HLCS: variants seen among roughly 807,000 people sequenced by gnomAD.
HLCS encodes biotin--protein ligase.
HLCS carries 53 observed loss-of-function variants against 75.0 expected under a neutral mutation model. The ratio of observed to expected loss-of-function variants is 0.71; its 90% CI spans 0.57 to 0.89. The LOEUF is 0.89. HLCS is among the 40% of genes least tolerant of loss of function. The probability of loss-of-function intolerance (pLI) is 0.00; values close to 1 mark genes in which losing one functional copy is unlikely to be tolerated. For synonymous variants in HLCS, 431 were observed against 428.6 expected (o/e 1.01, Z -0.07); for missense variants, 966 against 1,074.0 (o/e 0.90, Z 1.41).
At chr21:36,790,583 G>A (rs1272450951) in intron 6 of HLCS, among the ~76,000 whole-genome samples, 1 of 152,208 alleles carries the variant, frequency 6.6e-6, no homozygotes, top group Non-Finnish European at 1.5e-5. Flanking sequence ...GACATATTCT[G>A]TATCTGGCTG....
In HLCS at chr21:36,888,445, AATATATATATATATATATATATATATAT is replaced by A. The variant is rs71198839; in HGVS notation, c.1892+8387_1892+8414del. Among the ~76,000 whole-genome samples the A allele has an allele frequency of 5.0e-4, 12 of 24,106 alleles. 2 individuals are homozygous for A. The highest frequency in any genetic ancestry group is 7.5e-4 in the Admixed American group (1 of 1,338). 15.8% of individuals were successfully genotyped at this position (24,106 alleles called of 152,430 possible). ...CCCCTTCCCATTTAAAAAAAAAAAA[AATATATATATATATATATATATATATAT>A]ATATATATATATATATATATATATT... On this transcript the variant is annotated intron_variant, in intron 6 of 10. Coordinates refer to ENST00000674895, the MANE Select transcript of HLCS (RefSeq NM_001352514.2).
At chr21:36,825,944 C>T (rs527419363) in intron 6 of HLCS, among the ~76,000 whole-genome samples, 1 of 152,296 alleles carries the variant, frequency 6.6e-6, no homozygotes, top group Non-Finnish European at 1.5e-5. Context: ...GCGGGACACT[C>T]TCTCCCAACA....
chr21:36,959,919 CAAG>C lies in HLCS; in HGVS notation c.330+2114_330+2116del, dbSNP rs144166882. On this transcript the variant is annotated intron_variant, in intron 2 of 10. Coordinates refer to ENST00000674895, the MANE Select transcript of HLCS (RefSeq NM_001352514.2). ...CCCGTACTCACTACATTGCAGGCAACAAGAAGGAGAGAAGAACTGTGGCCCTTT... is the reference window on the plus strand; with the variant it reads ...CCCGTACTCACTACATTGCAGGCAACAAGGAGAGAAGAACTGTGGCCCTTT... Among the ~76,000 whole-genome samples, 694 of 152,338 alleles carry C rather than the reference CAAG, an allele frequency of 4.6e-3. 10 individuals carry two copies. Among genetic ancestry groups the C allele is most frequent in the African/African-American group, 0.016 (670 of 41,572 alleles).
chr21:36,895,747 T>A (rs1044964507), intron 6 of HLCS, among the ~76,000 whole-genome samples: 1 of 152,200 alleles, frequency 6.6e-6, no homozygotes, highest in African/African-American at 2.4e-5. Flanking sequence ...GAATTATACA[T>A]CTGTCTAATC....
chr21:36,989,845 C>A (rs956077189), intron 1 of HLCS, among the ~76,000 whole-genome samples: 1 of 152,142 alleles, frequency 6.6e-6, no homozygotes, highest in South Asian at 2.1e-4. Context: ...GGTTCTCAGG[C>A]CGCGTCGCCG....
chr21:36,976,506 C>T (rs189304403), intron 1 of HLCS, among the ~76,000 whole-genome samples: 1 of 152,196 alleles, frequency 6.6e-6, no homozygotes, highest in Admixed American at 6.5e-5. Context: ...ATCATTTGAA[C>T]CCGGGAGGCA....
chr21:36,809,893 C>A (rs2061463150), intron 6 of HLCS, among the ~76,000 whole-genome samples: 1 of 152,190 alleles, frequency 6.6e-6, no homozygotes, highest in South Asian at 2.1e-4. Flanking sequence ...GGCACACTAC[C>A]ATGCCCAGCT....
At chr21:36,941,012 GACT>G (rs1459877604) in intron 2 of HLCS, among the ~76,000 whole-genome samples, 1 of 152,192 alleles carries the variant, frequency 6.6e-6, no homozygotes, top group Non-Finnish European at 1.5e-5. Flanking sequence ...AGGAGTTCAT[GACT>G]AGCCTGGGCA....
At position 36,751,448 on chromosome 21, in the gene HLCS, C is replaced by G. The variant is rs2089361327; in HGVS notation, c.*2798G>C. ...AAGCAGTGCGGGGAGGCTGGCTCCT[C>G]TCTTTGTTCCCAGACTCCAGGGCAA... On this transcript the variant is annotated 3_prime_UTR_variant, in exon 11 of 11. Coordinates refer to ENST00000674895, the MANE Select transcript of HLCS (RefSeq NM_001352514.2). The G allele has an allele frequency of 6.6e-6, 1 of 152,360 alleles. No homozygotes were observed. Among genetic ancestry groups the G allele is most frequent in the East Asian group, 1.9e-4 (1 of 5,206 alleles). 9.4% of individuals were successfully genotyped at this position (152,360 alleles called of 1,614,324 possible).
At chr21:36,963,961 C>A (rs941111765) in intron 1 of HLCS, among the ~76,000 whole-genome samples, 9 of 152,206 alleles carry the variant, frequency 5.9e-5, no homozygotes, top group Admixed American at 5.2e-4. Context: ...GTGGCTCACA[C>A]CTGTAATCCC....
At chr21:36,922,209 T>C (rs2146452871) in intron 5 of HLCS, among the ~76,000 whole-genome samples, 1 of 152,284 alleles carries the variant, frequency 6.6e-6, no homozygotes, top group South Asian at 2.1e-4. Context: ...GAAATCATAG[T>C]CTTTAACTCC....
chr21:36,938,960 G>A lies in HLCS; in HGVS notation c.365C>T (p.Ala122Val). 6.2e-7 allele frequency: 1 copy of A among 1,611,468 alleles called. No individual in the cohort carries two copies. Among genetic ancestry groups the A allele is most frequent in the Non-Finnish European group, 8.5e-7 (1 of 1,179,916 alleles). Reference protein sequence around the residue: ...VKWSDCCLPLACRPGDPYRLI... With the variant: ...VKWSDCCLPLVCRPGDPYRLI... ...CCGATAAGGATCCCCAGGTCTGCAA[G>A]CTAATGGCAAACAACAGTCTGACCA... is the stretch of plus-strand genomic sequence containing the variant. Residue 122 changes from alanine (A) to valine (V), a missense_variant, in exon 3 of 11, where the codon GCT (alanine) becomes GTT (valine). Transcript: ENST00000674895.
chr21:36,882,713 G>A (rs1047899661), intron 6 of HLCS, among the ~76,000 whole-genome samples: 6 of 149,954 alleles, frequency 4.0e-5, no homozygotes, highest in South Asian at 2.1e-4. Context: ...CACCCACCTC[G>A]GCCTCCCAAA....
chr21:36,849,771 T>G (rs1250103322), intron 6 of HLCS, among the ~76,000 whole-genome samples: 1 of 152,254 alleles, frequency 6.6e-6, no homozygotes. Context: ...ATCCTTCCAG[T>G]GCATTTCTTT....
At chr21:36,791,948 A>C (rs965253362) in intron 6 of HLCS, among the ~76,000 whole-genome samples, 28 of 152,142 alleles carry the variant, frequency 1.8e-4, no homozygotes, top group African/African-American at 6.5e-4. Flanking sequence ...TGGGATGGAC[A>C]CAGCAGGTTT....
intron 1 of HLCS, among the ~76,000 whole-genome samples, chr21:36,965,146 A>C (rs529506000): frequency 6.6e-6 from 1 of 152,328 alleles, no homozygotes; most frequent in South Asian, 2.1e-4. Flanking sequence ...TGCTAGTGGC[A>C]CAATTTCAAC....
chr21:36,921,937 T>G (rs1313298508), intron 5 of HLCS, among the ~76,000 whole-genome samples: 32 of 152,300 alleles, frequency 2.1e-4, no homozygotes, highest in Admixed American at 2.0e-3. Flanking sequence ...ACGTTCTATC[T>G]CAGCAATCTT....
intron 4 of HLCS, among the ~76,000 whole-genome samples, chr21:36,931,073 C>T (rs2066615966): frequency 6.6e-6 from 1 of 152,048 alleles, no homozygotes; most frequent in Non-Finnish European, 1.5e-5. Context: ...CACCTGAGGT[C>T]GGGAGTTCAA....
chr21:36,787,083 T>C (rs866683802), intron 6 of HLCS, among the ~76,000 whole-genome samples: 5 of 152,174 alleles, frequency 3.3e-5, no homozygotes, highest in African/African-American at 1.2e-4. Flanking sequence ...CATTTCAACA[T>C]TGGAACTTTC....
Sources: allele counts gnomAD v4.1 joint callset (sites outside exome capture counted in the v4.1 genomes callset), GRCh38; gene constraint gnomAD v4.1.1; transcripts MANE v1.5; gene names NCBI Gene and HGNC (gene_info 2026-07-23, HGNC 2026-07-21).